The following RILPL1 variants were observed in gnomAD, a reference collection of about 807,000 sequenced individuals.
The protein encoded by RILPL1 is Rab interacting lysosomal protein like 1.
In RILPL1, 33 loss-of-function variants were observed where a neutral mutation model predicts 50.3. The observed-to-expected ratio is 0.66, with a 90% CI of 0.50 to 0.88. The LOEUF (loss-of-function observed/expected upper bound fraction) is 0.88, where lower values mean the gene tolerates loss of function less well. RILPL1 is among the 40% of genes least tolerant of loss of function. The probability of loss-of-function intolerance (pLI) is 0.00; values close to 1 mark genes in which losing one functional copy is unlikely to be tolerated. For synonymous variants in RILPL1, 205 were observed against 228.6 expected (o/e 0.90, Z 0.93); for missense variants, 418 against 542.5 (o/e 0.77, Z 2.28).
At chr12:123,479,482 C>T (rs990755985) in intron 6 of RILPL1, among the ~76,000 whole-genome samples, 10 of 152,114 alleles carry the variant, frequency 6.6e-5, no homozygotes, top group African/African-American at 1.2e-4. Flanking sequence ...GATGGAAGGA[C>T]GCTCAGAACC....
At chr12:123,474,679 G>C (rs1166079879) in intron 6 of RILPL1, 1 of 152,186 alleles carries the variant, frequency 6.6e-6, no homozygotes, top group African/African-American at 2.4e-5. Flanking sequence ...GATCACAGGC[G>C]TTAGCCACTA....
At chr12:123,513,065 C>T (rs896883078) in intron 2 of RILPL1, among the ~76,000 whole-genome samples, 27 of 101,480 alleles carry the variant, frequency 2.7e-4, no homozygotes, top group Non-Finnish European at 3.9e-5. Context: ...GTGAGGTCTG[C>T]GTGTGTGCTG....
In RILPL1 at chr12:123,472,076, C is replaced by T. The variant is rs1024577599; in HGVS notation, c.*462G>A. The T allele has an allele frequency of 5.9e-5, 10 of 168,340 alleles. No homozygotes were observed. The highest frequency in any genetic ancestry group is 1.3e-5 in the Non-Finnish European group (1 of 76,546). 10.4% of individuals were successfully genotyped at this position (168,340 alleles called of 1,614,324 possible). ...GGATACATTCTGTATAATACGTTAC[C>T]ATCACAATTTCATGAATGTAACTAA... On this transcript the variant is annotated 3_prime_UTR_variant, in exon 7 of 7. Transcript: ENST00000376874.
At chr12:123,494,686 T>C (rs1489476505) in intron 4 of RILPL1, among the ~76,000 whole-genome samples, 1 of 152,162 alleles carries the variant, frequency 6.6e-6, no homozygotes, top group Non-Finnish European at 1.5e-5. Flanking sequence ...CTGGAGGTTG[T>C]CTTTGGCACC....
intron 2 of RILPL1, among the ~76,000 whole-genome samples, chr12:123,512,529 GTGTGTGTGGTC>G (rs1884394728): frequency 6.9e-6 from 1 of 145,006 alleles, no homozygotes; most frequent in African/African-American, 2.6e-5. Context: ...TGAGGTCTGT[GTGTGTGTGGTC>G]TGTGTGTGGT....
chr12:123,472,511 A>C lies in RILPL1; in HGVS notation c.*27T>G. 6.5e-7 allele frequency: 1 copy of C among 1,549,904 alleles called. No homozygotes were observed. Among genetic ancestry groups the C allele is most frequent in the Non-Finnish European group, 8.7e-7 (1 of 1,146,780 alleles). On this transcript the variant is annotated 3_prime_UTR_variant, in exon 7 of 7. Coordinates refer to ENST00000376874, the MANE Select transcript of RILPL1 (RefSeq NM_178314.5). Reference sequence around the variant, plus strand: ...TGCAGGCGCTGGTGGCGGGCAGTCCAGGTTGGAGGGTGGAGATGGGCCAAG... The same window carrying C: ...TGCAGGCGCTGGTGGCGGGCAGTCCCGGTTGGAGGGTGGAGATGGGCCAAG...
chr12:123,518,187 C>A (rs1884814700), intron 2 of RILPL1, among the ~76,000 whole-genome samples: 1 of 151,970 alleles, frequency 6.6e-6, no homozygotes, highest in African/African-American at 2.4e-5. Flanking sequence ...GTACTTAATG[C>A]CTCTGAACTG....
intron 4 of RILPL1, among the ~76,000 whole-genome samples, chr12:123,492,315 G>A (rs1478199475): frequency 6.6e-6 from 1 of 152,104 alleles, no homozygotes; most frequent in Admixed American, 6.6e-5. Context: ...AAGAAAACAT[G>A]CTAAGTTAAA....
At chr12:123,475,240 A>G (rs1881510636) in intron 6 of RILPL1, 1 of 185,554 alleles carries the variant, frequency 5.4e-6, no homozygotes, top group Non-Finnish European at 1.2e-5. Flanking sequence ...TCTTTTTAAA[A>G]CAAGATCAAA....
At chr12:123,513,091 C>T (rs888369003) in intron 2 of RILPL1, among the ~76,000 whole-genome samples, 4 of 109,134 alleles carry the variant, frequency 3.7e-5, no homozygotes, top group African/African-American at 1.5e-4. Context: ...AGTGTGAGTG[C>T]GTGTATGTCT....
At chr12:123,480,295 G>A (rs943112344) in intron 6 of RILPL1, among the ~76,000 whole-genome samples, 3 of 151,644 alleles carry the variant, frequency 2.0e-5, no homozygotes, top group East Asian at 3.9e-4. Context: ...TGAGTAGCTG[G>A]GATTACAGGT....
intron 4 of RILPL1, among the ~76,000 whole-genome samples, chr12:123,488,600 C>A (rs1034648878): frequency 6.6e-6 from 1 of 152,208 alleles, no homozygotes; most frequent in Admixed American, 6.5e-5. Context: ...AGGCTGGAAC[C>A]GGCTGTTCTG....
chr12:123,504,941 C>T (rs948096827), intron 2 of RILPL1, among the ~76,000 whole-genome samples: 6 of 152,218 alleles, frequency 3.9e-5, no homozygotes, highest in Admixed American at 3.9e-4. Context: ...AGACTCTAGT[C>T]CCCACTTTCT....
intron 2 of RILPL1, among the ~76,000 whole-genome samples, chr12:123,503,752 A>C (rs1883554342): frequency 1.3e-5 from 2 of 152,044 alleles, no homozygotes; most frequent in Admixed American, 6.6e-5. Flanking sequence ...CTGTAATCCC[A>C]GCACTTTAGG....
At chr12:123,493,093 G>A (rs1882803864) in intron 4 of RILPL1, among the ~76,000 whole-genome samples, 1 of 152,162 alleles carries the variant, frequency 6.6e-6, no homozygotes, top group African/African-American at 2.4e-5. Flanking sequence ...ACAAGAGGAA[G>A]GCATCTGTCT....
At chr12:123,484,873 T>TTAAAAAAA in intron 5 of RILPL1, 1 of 263,282 alleles carries the variant, frequency 3.8e-6, no homozygotes, top group Non-Finnish European at 7.8e-6. Flanking sequence ...TTGCCCAGGC[T>TTAAAAAAA]GGTTTCGAGT....
In RILPL1 at chr12:123,489,336, A is replaced by G. The variant is rs548122894; in HGVS notation, c.802-3531T>C. ...CAGGAGTTCGAGACCAGCCTGGACA[A>G]CATGGTGAAACGCTATCTCTACTGA... is the stretch of plus-strand genomic sequence containing the variant. On this transcript the variant is annotated intron_variant, in intron 4 of 6. Coordinates refer to ENST00000376874, the MANE Select transcript of RILPL1 (RefSeq NM_178314.5). The surrounding 1 kb of genome is among the most constrained non-coding windows in gnomAD (Gnocchi z 4.0). Among the ~76,000 whole-genome samples, 1 of 152,158 alleles carries G rather than the reference A, an allele frequency of 6.6e-6. No individual in the cohort carries two copies. The highest frequency in any genetic ancestry group is 2.4e-5 in the African/African-American group (1 of 41,516).
intron 4 of RILPL1, among the ~76,000 whole-genome samples, chr12:123,494,151 A>C (rs1195267147): frequency 1.3e-5 from 2 of 152,154 alleles, no homozygotes; most frequent in African/African-American, 4.8e-5. Flanking sequence ...CAGCTGCGCG[A>C]AACAGTGAAC....
At chr12:123,484,822 A>C in intron 5 of RILPL1, 1 of 254,578 alleles carries the variant, frequency 3.9e-6, no homozygotes, top group South Asian at 4.7e-5. Context: ...TACCTGGCTA[A>C]TTTTTAAAAA....
Sources: allele counts gnomAD v4.1 joint callset (sites outside exome capture counted in the v4.1 genomes callset), GRCh38; gene constraint gnomAD v4.1.1; non-coding constraint Gnocchi (gnomAD v3.1); transcripts MANE v1.5; gene names NCBI Gene and HGNC (gene_info 2026-07-23, HGNC 2026-07-21).